The following AUTS2 variants were observed in gnomAD, a reference collection of about 807,000 sequenced individuals.
AUTS2 encodes autism susceptibility gene 2 protein.
In AUTS2, 17 loss-of-function variants were observed where a neutral mutation model predicts 112.4. The ratio of observed to expected loss-of-function variants is 0.15; its 90% CI spans 0.10 to 0.23. AUTS2 has a LOEUF of 0.23. Ranked by LOEUF, AUTS2 falls within the 10% of genes least tolerant of loss-of-function variation. The pLI is 1.00. For missense variants in AUTS2, 1,510 were observed against 1,701.6 expected (o/e 0.89, Z 1.98); for synonymous variants, 751 against 702.7 (o/e 1.07, Z -1.09).
rs191673085 is a variant in AUTS2 at position 70,193,242 on chromosome 7, G to A, written c.660+58671G>A. Reference sequence around the variant, plus strand: ...CAACTCTGAGCCTTTCTTGGTAGTGGCATTATCTAAACGTATGCATTTGTA... The same window carrying A: ...CAACTCTGAGCCTTTCTTGGTAGTGACATTATCTAAACGTATGCATTTGTA... On this transcript the variant is annotated intron_variant, in intron 4 of 18. Coordinates refer to ENST00000342771, the MANE Select transcript of AUTS2 (RefSeq NM_015570.4). 4.3e-4 allele frequency among the ~76,000 whole-genome samples: 66 copies of A among 152,308 alleles called. 2 individuals carry two copies. In the South Asian group the frequency reaches 0.013, roughly 31 times the overall value.
At chr7:69,968,788 C>T (rs1797730619) in intron 2 of AUTS2, among the ~76,000 whole-genome samples, 1 of 151,872 alleles carries the variant, frequency 6.6e-6, no homozygotes, top group Non-Finnish European at 1.5e-5. Context: ...TTAAATATGC[C>T]TCTTCCATTC....
intron 2 of AUTS2, among the ~76,000 whole-genome samples, chr7:70,059,219 G>A (rs1264512203): frequency 2.6e-5 from 4 of 151,962 alleles, no homozygotes; most frequent in African/African-American, 4.8e-5. Flanking sequence ...CCATAGTTTC[G>A]CCTTCGCAAG....
intron 2 of AUTS2, among the ~76,000 whole-genome samples, chr7:70,001,156 C>T (rs1460286361): frequency 6.6e-6 from 1 of 152,152 alleles, no homozygotes; most frequent in Non-Finnish European, 1.5e-5. Flanking sequence ...GACAGAGTCT[C>T]ATTCTGTTAC....
chr7:69,976,565 T>TTGCA (rs1798068640), intron 2 of AUTS2, among the ~76,000 whole-genome samples: 2 of 152,206 alleles, frequency 1.3e-5, no homozygotes, highest in South Asian at 4.1e-4. Flanking sequence ...TCTATAGCAG[T>TTGCA]TGCACCATTT....
chr7:70,423,863 A>G (rs1345392485), intron 4 of AUTS2, among the ~76,000 whole-genome samples: 1 of 152,166 alleles, frequency 6.6e-6, no homozygotes, highest in Non-Finnish European at 1.5e-5. Context: ...CTGAGCAGAA[A>G]TCCTTGCAGA....
chr7:69,922,178 C>T (rs1477289264), intron 2 of AUTS2, among the ~76,000 whole-genome samples: 1 of 152,210 alleles, frequency 6.6e-6, no homozygotes, highest in Admixed American at 6.5e-5. Context: ...CAAATTGCAT[C>T]ATCTTTGGCT....
chr7:70,604,166 G>A (rs1379430190), intron 5 of AUTS2, among the ~76,000 whole-genome samples: 1 of 152,188 alleles, frequency 6.6e-6, no homozygotes, highest in East Asian at 1.9e-4. Context: ...GTCATTTCAG[G>A]TGTCATTCCT....
intron 4 of AUTS2, among the ~76,000 whole-genome samples, chr7:70,432,206 T>A (rs1795700542): frequency 6.6e-6 from 1 of 152,228 alleles, no homozygotes. Context: ...ATGCTTAAAA[T>A]GGTCAAATCC....
chr7:70,658,207 T>C (rs1806878321), intron 5 of AUTS2, among the ~76,000 whole-genome samples: 1 of 152,214 alleles, frequency 6.6e-6, no homozygotes, highest in African/African-American at 2.4e-5. Context: ...TTCTTAAAAT[T>C]AGACAGTGTG....
Position 70,185,257 on chromosome 7 carries a change from C to CTTTTTTTT in AUTS2, c.660+50706_660+50713dup, listed in dbSNP as rs35215443. Among the ~76,000 whole-genome samples, 20 of 87,118 alleles carry CTTTTTTTT rather than the reference C, an allele frequency of 2.3e-4. 1 individual carries two copies. Among genetic ancestry groups the CTTTTTTTT allele is most frequent in the Non-Finnish European group, 1.5e-4 (7 of 45,880 alleles). 57.2% of individuals were successfully genotyped at this position (87,118 alleles called of 152,430 possible). A position where few individuals can be genotyped will look rare whatever the true frequency, so the allele number is the denominator to read the frequency against. The stretch of plus-strand genomic sequence containing the variant: ...TGCTTTGGGCCTAAATGACATTAAA[C>CTTTTTTTT]TTTTTTTTTTTTTTTTTTTTTTTTT... On this transcript the variant is annotated intron_variant, in intron 4 of 18. Coordinates refer to ENST00000342771, the MANE Select transcript of AUTS2 (RefSeq NM_015570.4).
At position 70,118,140 on chromosome 7, in the gene AUTS2, A is replaced by G. The variant is rs1447862898; in HGVS notation, c.531A>G (p.Pro177=). The change falls in exon 3 of 19, where the codon CCA becomes CCG. Residue 177 remains proline (P), a synonymous_variant. Coordinates refer to ENST00000342771, the MANE Select transcript of AUTS2 (RefSeq NM_015570.4). ...TTTTCTTTTGCCTTTAGCTCAAGCC[A>G]GGACAGAACAGCTGCAGGGACAGTG... The part of the protein sequence containing the change: ...KMPKALRQLK[P]GQNSCRDSDS... 2 of 1,604,744 alleles carry G rather than the reference A, an allele frequency of 1.2e-6. No individual in the cohort carries two copies. Among genetic ancestry groups the G allele is most frequent in the East Asian group, 2.2e-5 (1 of 44,542 alleles).
intron 1 of AUTS2, among the ~76,000 whole-genome samples, chr7:69,661,839 T>C (rs1407988646): frequency 6.6e-6 from 1 of 152,232 alleles, no homozygotes; most frequent in African/African-American, 2.4e-5. Context: ...TGTCTGTCTT[T>C]GCTATTTATT....
intron 2 of AUTS2, among the ~76,000 whole-genome samples, chr7:69,925,168 C>T (rs189282243): frequency 5.9e-5 from 9 of 152,204 alleles, no homozygotes; most frequent in African/African-American, 2.2e-4. Context: ...CTCTCTCTGT[C>T]ATATCAGTAT....
chr7:70,360,145 A>G (rs1460105260), intron 4 of AUTS2, among the ~76,000 whole-genome samples: 1 of 152,070 alleles, frequency 6.6e-6, no homozygotes, highest in Non-Finnish European at 1.5e-5. Context: ...TTTTTTTTAA[A>G]GAAAAACAGT....
At chr7:70,721,250 C>G (rs572100479) in intron 6 of AUTS2, among the ~76,000 whole-genome samples, 1 of 149,034 alleles carries the variant, frequency 6.7e-6, no homozygotes, top group Non-Finnish European at 1.5e-5. Context: ...GGCCACACGA[C>G]TGACGTGTGT....
At chr7:69,638,635 A>C (rs1416487788) in intron 1 of AUTS2, among the ~76,000 whole-genome samples, 3 of 151,834 alleles carry the variant, frequency 2.0e-5, no homozygotes, top group African/African-American at 4.8e-5. Context: ...TTTTTTCCTT[A>C]CTTTCTTTCT....
At chr7:69,960,227 T>C (rs1373748070) in intron 2 of AUTS2, among the ~76,000 whole-genome samples, 1 of 152,228 alleles carries the variant, frequency 6.6e-6, no homozygotes, top group Non-Finnish European at 1.5e-5. Flanking sequence ...CTATAATTAC[T>C]AATTGCTGCG....
intron 1 of AUTS2, among the ~76,000 whole-genome samples, chr7:69,832,867 G>A (rs899574040): frequency 2.0e-5 from 3 of 152,108 alleles, no homozygotes; most frequent in Admixed American, 1.3e-4. Context: ...GGGTAAAGTC[G>A]TAAAAATCAA....
chr7:70,045,721 G>C (rs1017604092), intron 2 of AUTS2, among the ~76,000 whole-genome samples: 16 of 150,332 alleles, frequency 1.1e-4, no homozygotes, highest in African/African-American at 3.4e-4. Flanking sequence ...CAGTTCTCCT[G>C]CCCCAGCCTC....
Sources: allele counts gnomAD v4.1 joint callset (sites outside exome capture counted in the v4.1 genomes callset), GRCh38; gene constraint gnomAD v4.1.1; transcripts MANE v1.5; gene names NCBI Gene and HGNC (gene_info 2026-07-23, HGNC 2026-07-21).